The following CRPPA variants were observed in gnomAD, a reference collection of about 807,000 sequenced individuals.
CRPPA encodes the protein CDP-L-ribitol pyrophosphorylase A.
Under a neutral mutation model 52.0 loss-of-function variants are expected in CRPPA, and 43 were observed. The observed-to-expected ratio is 0.83, with a 90% CI of 0.65 to 1.07. CRPPA has a LOEUF of 1.07. Among genes scored for constraint, CRPPA ranks in the 50% least tolerant of loss-of-function variants. The pLI is 0.00. For synonymous variants in CRPPA, 250 were observed against 203.5 expected (o/e 1.23, Z -1.94); for missense variants, 629 against 551.7 (o/e 1.14, Z -1.40).
rs547278335 is a variant in CRPPA, at chr7:16,187,479, G to A, written c.1251+28587C>T. Among the ~76,000 whole-genome samples the A allele has an allele frequency of 2.6e-5, 4 of 152,180 alleles. No individual in the cohort carries two copies. The South Asian group carries it at 6.2e-4, about 24-fold the overall frequency. ...AAACAAAGGAACTGGGACATTTTTC[G>A]GAATCCTTTTCAAGTCTAACTTTTG... On this transcript the variant is annotated intron_variant, in intron 9 of 9. Coordinates refer to ENST00000407010, the MANE Select transcript of CRPPA (RefSeq NM_001101426.4).
At chr7:16,107,736 G>A (rs956285386) in intron 9 of CRPPA, among the ~76,000 whole-genome samples, 136 of 151,872 alleles carry the variant, frequency 9.0e-4, no homozygotes, top group African/African-American at 3.1e-3. Context: ...CTGTAATGAT[G>A]GTAAGACCTA....
At chr7:16,242,371 A>G (rs1783140585) in intron 8 of CRPPA, among the ~76,000 whole-genome samples, 1 of 152,298 alleles carries the variant, frequency 6.6e-6, no homozygotes, top group South Asian at 2.1e-4. Flanking sequence ...TCATTACTTA[A>G]TGAACAAAAA....
intron 3 of CRPPA, 115 bp from the exon 4 acceptor site, chr7:16,308,742 AT>A (rs1204559743): frequency 6.2e-5 from 41 of 662,350 alleles, no homozygotes; most frequent in Admixed American, 7.3e-5. Flanking sequence ...GGCTCAAACT[AT>A]TTAATCAGCT....
rs140492345 is a variant in CRPPA at position 16,116,096 on chromosome 7, T to C, written c.1252-24297A>G. Among the ~76,000 whole-genome samples, 447 of 152,294 alleles carry C rather than the reference T, an allele frequency of 2.9e-3. 3 individuals are homozygous for C. Among genetic ancestry groups the C allele is most frequent in the African/African-American group, 0.01 (429 of 41,552 alleles). On this transcript the variant is annotated intron_variant, in intron 9 of 9. Coordinates refer to ENST00000407010, the MANE Select transcript of CRPPA (RefSeq NM_001101426.4). ...GGGATATTTACATAGTTTCCAAATA[T>C]TTTACCATAATTATTAATTATAAAG...
rs886062161 is a variant in CRPPA at position 16,090,864 on chromosome 7, G to T, written c.*831C>A. The T allele has an allele frequency of 6.6e-6, 1 of 152,158 alleles. No homozygotes were observed. The highest frequency in any genetic ancestry group is 1.5e-5 in the Non-Finnish European group (1 of 68,020). 9.4% of individuals were successfully genotyped at this position (152,158 alleles called of 1,614,324 possible). A position where few individuals can be genotyped will look rare whatever the true frequency, so the allele number is the denominator to read the frequency against. Reference sequence around the variant, plus strand: ...ATATACCAATGAAAACTGGAAATAAGAACTTGATTTTAAAAGGTAGCAGTA... The same window carrying T: ...ATATACCAATGAAAACTGGAAATAATAACTTGATTTTAAAAGGTAGCAGTA... On this transcript the variant is annotated 3_prime_UTR_variant, in exon 10 of 10. Coordinates refer to ENST00000407010, the MANE Select transcript of CRPPA (RefSeq NM_001101426.4).
At chr7:16,345,005 C>T (rs1785971803) in intron 3 of CRPPA, among the ~76,000 whole-genome samples, 2 of 151,950 alleles carry the variant, frequency 1.3e-5, no homozygotes, top group South Asian at 2.1e-4. Context: ...ATCCAAGAAG[C>T]TCAAACTACA....
intron 8 of CRPPA, among the ~76,000 whole-genome samples, chr7:16,257,829 T>C (rs911593248): frequency 1.2e-4 from 19 of 152,134 alleles, no homozygotes; most frequent in Admixed American, 1.2e-3. Context: ...CTCTGCTATA[T>C]AGTTTAATGG....
chr7:16,230,932 G>T (rs1323950524), intron 8 of CRPPA, among the ~76,000 whole-genome samples: 1 of 152,082 alleles, frequency 6.6e-6, no homozygotes, highest in Non-Finnish European at 1.5e-5. Context: ...GTCTGGTGGT[G>T]GTATAAGATG....
intron 6 of CRPPA, among the ~76,000 whole-genome samples, chr7:16,262,567 A>G (rs1323839000): frequency 1.3e-5 from 2 of 152,158 alleles, no homozygotes; most frequent in East Asian, 3.9e-4. Context: ...TATGTGCATT[A>G]TAATTTTTTA....
chr7:16,386,789 A>G (rs6944820), intron 2 of CRPPA, among the ~76,000 whole-genome samples: 73,952 of 151,662 alleles, frequency 0.49, 19,228 homozygotes, highest in African/African-American at 0.66. Context: ...GGGAGGGAGA[A>G]GCAGGCAAAT....
chr7:16,387,596 A>C lies in CRPPA; in HGVS notation c.535-11355T>G, dbSNP rs547264765. Among the ~76,000 whole-genome samples the C allele has an allele frequency of 3.3e-5, 5 of 150,406 alleles. No individual in the cohort carries two copies. The South Asian group carries it at 1.1e-3, about 33-fold the overall frequency. The stretch of plus-strand genomic sequence containing the variant: ...TTAAATCTATCACATGCTGTCTACA[A>C]GAGACAACTATGATTCAAAGACACA... On this transcript the variant is annotated intron_variant, in intron 2 of 9. Transcript: ENST00000407010.
At chr7:16,110,379 C>T (rs1355876799) in intron 9 of CRPPA, among the ~76,000 whole-genome samples, 1 of 152,012 alleles carries the variant, frequency 6.6e-6, no homozygotes, top group Non-Finnish European at 1.5e-5. Context: ...AACACCATTC[C>T]TAACAATATT....
At chr7:16,357,161 ATATTTATT>A (rs34428357) in intron 3 of CRPPA, among the ~76,000 whole-genome samples, 21 of 149,292 alleles carry the variant, frequency 1.4e-4, no homozygotes, top group Admixed American at 7.3e-4. Flanking sequence ...CCTTTAGGGG[ATATTTATT>A]TATTTATTTA....
chr7:16,199,854 CTTTTTTT>C (rs68003825), intron 9 of CRPPA, among the ~76,000 whole-genome samples: 5 of 120,114 alleles, frequency 4.2e-5, no homozygotes, highest in Admixed American at 8.6e-5. Flanking sequence ...TAAGCTTTTT[CTTTTTTT>C]TTTTTTTTTT....
intron 3 of CRPPA, among the ~76,000 whole-genome samples, chr7:16,310,853 C>T (rs998243345): frequency 2.0e-5 from 3 of 151,204 alleles, no homozygotes; most frequent in Non-Finnish European, 1.5e-5. Context: ...AGAAACAATA[C>T]AACTTAGAAC....
chr7:16,147,248 A>G (rs1422696822), intron 9 of CRPPA, among the ~76,000 whole-genome samples: 3 of 152,134 alleles, frequency 2.0e-5, no homozygotes, highest in Non-Finnish European at 2.9e-5. Flanking sequence ...TTTATTAGCA[A>G]CATGAGGATG....
intron 1 of CRPPA, among the ~76,000 whole-genome samples, chr7:16,411,434 A>G (rs1327898878): frequency 6.6e-6 from 1 of 152,114 alleles, no homozygotes; most frequent in Non-Finnish European, 1.5e-5. Flanking sequence ...TGAAACACGT[A>G]ATATTCCTGC....
intron 9 of CRPPA, among the ~76,000 whole-genome samples, chr7:16,126,309 G>A (rs1409932994): frequency 2.0e-5 from 3 of 152,024 alleles, no homozygotes; most frequent in Non-Finnish European, 4.4e-5. Flanking sequence ...CAGTGTCTTA[G>A]GTTTCTGGGA....
In CRPPA at chr7:16,133,622, G is replaced by T. The variant is rs1782715500; in HGVS notation, c.1252-41823C>A. Among the ~76,000 whole-genome samples, 2 of 123,806 alleles carry T rather than the reference G, an allele frequency of 1.6e-5. 1 individual carries two copies. Among genetic ancestry groups the T allele is most frequent in the Non-Finnish European group, 3.7e-5 (2 of 54,536 alleles). The allele number at this position is 123,806 out of a possible 152,430, so 81.2% of individuals were successfully genotyped here. ...TGATAGTAAAAAGTGATCTCCCATG[G>T]TTCTTAGGTATTTTTCATCATGTTT... On this transcript the variant is annotated intron_variant, in intron 9 of 9. Transcript: ENST00000407010.
Sources: gnomAD v4.1 joint callset for allele counts (sites outside exome capture counted in the v4.1 genomes callset) on GRCh38, gnomAD v4.1.1 for gene constraint, MANE v1.5 for transcripts, NCBI Gene and HGNC (gene_info 2026-07-23, HGNC 2026-07-21) for gene names.